ZNF789: variants seen among roughly 807,000 people sequenced by gnomAD.
ZNF789 encodes zinc finger protein 789.
ZNF789 carries 11 observed loss-of-function variants against 15.6 expected under a neutral mutation model. That is an observed-to-expected ratio of 0.70 (90% CI 0.44 to 1.16). The LOEUF (loss-of-function observed/expected upper bound fraction) is 1.16. Among genes scored for constraint, ZNF789 ranks in the 50% most tolerant of loss-of-function variants. The probability of loss-of-function intolerance (pLI) is 0.00; values close to 1 mark genes in which losing one functional copy is unlikely to be tolerated. For missense variants in ZNF789, 461 were observed against 512.6 expected, an observed-to-expected ratio of 0.90 and a Z score of 0.97; for synonymous variants, 159 against 176.0, an observed-to-expected ratio of 0.90 and a Z score of 0.76.
intron 2 of ZNF789, among the ~76,000 whole-genome samples, chr7:99,478,094 C>T (rs1799427515): frequency 6.6e-6 from 1 of 152,142 alleles, no homozygotes; most frequent in Non-Finnish European, 1.5e-5. Flanking sequence ...ATATCAAAAC[C>T]GTTTTTTTTC....
intron 3 of ZNF789, chr7:99,481,993 A>C (rs979861480): frequency 3.3e-6 from 2 of 611,818 alleles, no homozygotes; most frequent in African/African-American, 3.7e-5. Context: ...GCTGGGGACC[A>C]AAAGTGTTTT....
At chr7:99,475,562 T>A (rs529055710) in intron 1 of ZNF789, among the ~76,000 whole-genome samples, 2 of 152,220 alleles carry the variant, frequency 1.3e-5, no homozygotes, top group East Asian at 3.9e-4. Context: ...GTAAGTAGAT[T>A]TAGAGAAAGA....
Position 99,486,600 on chromosome 7 carries a change from T to C in ZNF789, c.390T>C (p.His130=), listed in dbSNP as rs1020561488. Residue 130 remains histidine (H), a synonymous_variant, in exon 5 of 5, where the codon CAT becomes CAC. Coordinates refer to ENST00000331410, the MANE Select transcript of ZNF789 (RefSeq NM_213603.3). ...CTGAGAAACTTTCAGAAAAGTTACA[T>C]AAGTGTAAAGAATTTGTGGACAGTT... is the stretch of plus-strand genomic sequence containing the variant. The part of the protein sequence containing the change: ...ESAEKLSEKL[H]KCKEFVDSCR... The C allele has an allele frequency of 5.0e-6, 8 of 1,614,210 alleles. No homozygotes were observed. Among genetic ancestry groups the C allele is most frequent in the Admixed American group, 3.3e-5 (2 of 60,018 alleles).
intron 1 of ZNF789, among the ~76,000 whole-genome samples, chr7:99,474,124 T>G (rs957091931): frequency 1.3e-5 from 2 of 152,214 alleles, no homozygotes; most frequent in Non-Finnish European, 2.9e-5. Context: ...AGTCTGACAT[T>G]CAGATGCACA....
At chr7:99,475,138 A>G (rs1799250788) in intron 1 of ZNF789, among the ~76,000 whole-genome samples, 1 of 152,224 alleles carries the variant, frequency 6.6e-6, no homozygotes. Context: ...CACGCCTGTA[A>G]TCCCAGCACT....
rs571206432 is a variant in ZNF789 at position 99,485,509 on chromosome 7, A to G, written c.266-967A>G. 19 of 478,672 alleles carry G rather than the reference A, an allele frequency of 4.0e-5. No individual in the cohort carries two copies. The East Asian group carries it at 4.6e-4, about 11-fold the overall frequency. 29.7% of individuals were successfully genotyped at this position (478,672 alleles called of 1,614,324 possible). On this transcript the variant is annotated intron_variant, in intron 4 of 4. Transcript: ENST00000331410. ...GCTATCCTATACTTTGTCCATTTTTAAGCAGATGTTTCACCTAGAGTTATT... is the reference window on the plus strand; with the variant it reads ...GCTATCCTATACTTTGTCCATTTTTGAGCAGATGTTTCACCTAGAGTTATT...
At chr7:99,482,382 C>A in intron 3 of ZNF789, 1 of 637,532 alleles carries the variant, frequency 1.6e-6, no homozygotes, top group South Asian at 1.8e-5. Flanking sequence ...GTGTGTTGTG[C>A]ACCTGCGTTT....
chr7:99,487,559 T>C lies in ZNF789; in HGVS notation c.*71T>C. ...CTACTTCAAGTGTGTATCACGTAATTGTTTCCATGAAAAGCAATAAATGTA... is the reference window on the plus strand; with the variant it reads ...CTACTTCAAGTGTGTATCACGTAATCGTTTCCATGAAAAGCAATAAATGTA... On this transcript the variant is annotated 3_prime_UTR_variant, in exon 5 of 5. Transcript: ENST00000331410. 2 of 1,505,966 alleles carry C rather than the reference T, an allele frequency of 1.3e-6. No homozygotes were observed. The highest frequency in any genetic ancestry group is 1.8e-6 in the Non-Finnish European group (2 of 1,121,230). 93.3% of individuals were successfully genotyped at this position (1,505,966 alleles called of 1,614,324 possible).
At position 99,487,458 on chromosome 7, in the gene ZNF789, G is replaced by A. The variant is rs371552407; in HGVS notation, c.1248G>A (p.Gln416=). Residue 416 remains glutamine, a synonymous_variant, in exon 5 of 5, where the codon CAG becomes CAA. Coordinates refer to ENST00000331410, the MANE Select transcript of ZNF789 (RefSeq NM_213603.3). ...GGCACACAAGCTTTATTAAGCACCA[G>A]GGCACTCACAAAGGACAGATATCCA... ...FKWHTSFIKH[Q]GTHKGQIST 4 of 1,613,834 alleles carry A rather than the reference G, an allele frequency of 2.5e-6. No individual in the cohort carries two copies. Among genetic ancestry groups the A allele is most frequent in the Non-Finnish European group, 3.4e-6 (4 of 1,179,896 alleles).
chr7:99,483,157 G>T (rs1799738146), intron 3 of ZNF789, among the ~76,000 whole-genome samples: 1 of 152,102 alleles, frequency 6.6e-6, no homozygotes, highest in Admixed American at 6.6e-5. Context: ...CTTGAACCCG[G>T]GAGGCGGAGG....
intron 2 of ZNF789, chr7:99,478,243 T>C: frequency 7.8e-7 from 1 of 1,280,406 alleles, no homozygotes; most frequent in Non-Finnish European, 1.0e-6. Context: ...GATGAAGCCA[T>C]TTTATTCCCA....
intron 2 of ZNF789, chr7:99,478,518 C>G (rs916294405): frequency 1.7e-5 from 8 of 480,508 alleles, no homozygotes; most frequent in African/African-American, 1.6e-4. Flanking sequence ...TGTTACTGAC[C>G]ACTTATAGGA....
intron 4 of ZNF789, chr7:99,485,409 T>C (rs1799880762): frequency 1.5e-6 from 1 of 673,458 alleles, no homozygotes; most frequent in Admixed American, 2.2e-5. Context: ...GTCCAAACCC[T>C]GTTCACCCCT....
chr7:99,474,408 C>T (rs1407002636), intron 1 of ZNF789, among the ~76,000 whole-genome samples: 1 of 152,120 alleles, frequency 6.6e-6, no homozygotes, highest in Non-Finnish European at 1.5e-5. Context: ...TCCTGGCTAA[C>T]ACGGTGAAAC....
intron 2 of ZNF789, among the ~76,000 whole-genome samples, chr7:99,477,211 T>C (rs555080978): frequency 6.6e-6 from 1 of 151,414 alleles, no homozygotes; most frequent in Non-Finnish European, 1.5e-5. Context: ...CCCAGCTAAT[T>C]TTTGTACTTT....
intron 4 of ZNF789, among the ~76,000 whole-genome samples, chr7:99,484,497 G>A (rs1244250349): frequency 2.0e-5 from 3 of 152,206 alleles, no homozygotes; most frequent in Non-Finnish European, 4.4e-5. Context: ...GCGTGTGCCT[G>A]TAATCCCAGC....
At chr7:99,480,637 A>T (rs1422692260) in intron 3 of ZNF789, 2 of 152,144 alleles carry the variant, frequency 1.3e-5, no homozygotes, top group Admixed American at 6.5e-5. Flanking sequence ...CTCACTTCTT[A>T]TGCTCTTGAA....
chr7:99,475,371 CACA>C (rs761275154), intron 1 of ZNF789, among the ~76,000 whole-genome samples: 7 of 150,628 alleles, frequency 4.6e-5, no homozygotes, highest in South Asian at 4.2e-4. Context: ...CTCCAGCCTG[CACA>C]ACAAGAGTGA....
At chr7:99,483,177 G>A (rs968846337) in intron 3 of ZNF789, among the ~76,000 whole-genome samples, 12 of 152,122 alleles carry the variant, frequency 7.9e-5, no homozygotes, top group Non-Finnish European at 1.5e-4. Context: ...GTTGCAGTGA[G>A]CAGAGATGGT....
Sources: allele counts gnomAD v4.1 joint callset (sites outside exome capture counted in the v4.1 genomes callset), GRCh38; gene constraint gnomAD v4.1.1; transcripts MANE v1.5; gene names NCBI Gene and HGNC (gene_info 2026-07-23, HGNC 2026-07-21).